The following SLC22A23 variants were observed in gnomAD, a reference collection of about 807,000 sequenced individuals.
SLC22A23 encodes the protein solute carrier family 22 member 23.
SLC22A23 carries 26 observed loss-of-function variants against 61.0 expected under a neutral mutation model. The ratio of observed to expected loss-of-function variants is 0.43; its 90% confidence interval spans 0.31 to 0.59. The LOEUF (loss-of-function observed/expected upper bound fraction) is 0.59, where lower values mean the gene tolerates loss of function less well. Ranked by LOEUF, SLC22A23 falls within the 20% of genes least tolerant of loss-of-function variation. The pLI is 0.11. For missense variants in SLC22A23, 796 were observed against 934.7 expected (o/e 0.85, Z 1.94); for synonymous variants, 430 against 413.9 (o/e 1.04, Z -0.47).
intron 1 of SLC22A23, among the ~76,000 whole-genome samples, chr6:3,455,305 C>T (rs1160878774): frequency 6.6e-6 from 1 of 152,226 alleles, no homozygotes; most frequent in Non-Finnish European, 1.5e-5. Context: ...ATATTCTCCG[C>T]GTCCTTCCTA....
At chr6:3,382,999 C>T (rs2127476573) in intron 3 of SLC22A23, among the ~76,000 whole-genome samples, 1 of 152,228 alleles carries the variant, frequency 6.6e-6, no homozygotes, top group Non-Finnish European at 1.5e-5. Context: ...TAACAACGAG[C>T]AAGATAAACT....
chr6:3,298,890 T>C (rs990230516), intron 4 of SLC22A23, among the ~76,000 whole-genome samples: 2 of 147,030 alleles, frequency 1.4e-5, no homozygotes, highest in African/African-American at 5.2e-5. Flanking sequence ...GAGAATGGTG[T>C]GAACCCGGGA....
rs997186360 is a variant in SLC22A23 at position 3,327,545 on chromosome 6, G to A, written c.914-3543C>T. On this transcript the variant is annotated intron_variant, in intron 3 of 9. Transcript: ENST00000406686. The surrounding 1 kb of genome is among the most constrained non-coding windows in gnomAD (Gnocchi z 4.1). Reference sequence around the variant, plus strand: ...TGCTGTGGTTAAAAGCCTGGACTCCGTAGCTAGAGTGCCCAAGTTCAAATC... The same window carrying A: ...TGCTGTGGTTAAAAGCCTGGACTCCATAGCTAGAGTGCCCAAGTTCAAATC... Among the ~76,000 whole-genome samples, 8 of 152,316 alleles carry A rather than the reference G, an allele frequency of 5.3e-5. No homozygotes were observed. Among genetic ancestry groups the A allele is most frequent in the Middle Eastern group, 3.4e-3 (1 of 294 alleles).
intron 3 of SLC22A23, among the ~76,000 whole-genome samples, chr6:3,335,639 C>A (rs1287571032): frequency 2.0e-5 from 3 of 152,224 alleles, no homozygotes; most frequent in Admixed American, 6.5e-5. Flanking sequence ...ACAGCTTGGA[C>A]TGGCAAATAG....
intron 1 of SLC22A23, among the ~76,000 whole-genome samples, chr6:3,428,829 T>G (rs997084621): frequency 1.3e-5 from 2 of 152,058 alleles, no homozygotes; most frequent in African/African-American, 4.8e-5. Flanking sequence ...ACAATAAGTG[T>G]TCATCTAAAA....
At chr6:3,352,940 G>A (rs1367959183) in intron 3 of SLC22A23, among the ~76,000 whole-genome samples, 1 of 152,156 alleles carries the variant, frequency 6.6e-6, no homozygotes. Flanking sequence ...ACCCCCAGTG[G>A]TCAGCTTGTC....
intron 1 of SLC22A23, among the ~76,000 whole-genome samples, chr6:3,416,872 G>A (rs945608531): frequency 1.5e-4 from 23 of 152,218 alleles, no homozygotes; most frequent in Admixed American, 3.3e-4. Flanking sequence ...ACACCGGAGC[G>A]GGAGGTGTTC....
intron 1 of SLC22A23, among the ~76,000 whole-genome samples, chr6:3,448,645 C>T (rs941448305): frequency 4.6e-5 from 7 of 152,190 alleles, no homozygotes; most frequent in Non-Finnish European, 1.0e-4. Flanking sequence ...AGGCGCCCGC[C>T]ACCACGCCCT....
chr6:3,456,523 C>G lies in SLC22A23; in HGVS notation c.37G>C (p.Gly13Arg). The G allele has an allele frequency of 2.0e-6, 2 of 990,128 alleles. No individual in the cohort carries two copies. Among genetic ancestry groups the G allele is most frequent in the Non-Finnish European group, 2.4e-6 (2 of 835,002 alleles). The allele number at this position is 990,128 out of a possible 1,614,324, so 61.3% of individuals were successfully genotyped here. A position where few individuals can be genotyped will look rare whatever the true frequency, so the allele number is the denominator to read the frequency against. Residue 13 changes from glycine (G) to arginine (R), a missense_variant, in exon 1 of 10, where the codon GGG (glycine) becomes CGG (arginine). Physicochemically the swap from Gly to Arg is moderately radical, Grantham distance 125. Transcript: ENST00000406686. This position sits in a 1 kb window ranked among gnomAD's most constrained non-coding sequence, Gnocchi z 7.1. ...IDRRREAAGG[G>R]PGRQPAPAEE... ...GCCGGGGCCGGCTGCCGCCCAGGCCCGCCGCCCGCCGCCTCGCGCCGCCGG... is the reference window on the plus strand; with the variant it reads ...GCCGGGGCCGGCTGCCGCCCAGGCCGGCCGCCCGCCGCCTCGCGCCGCCGG...
At chr6:3,307,349 G>A (rs1762050955) in intron 4 of SLC22A23, among the ~76,000 whole-genome samples, 1 of 152,104 alleles carries the variant, frequency 6.6e-6, no homozygotes, top group South Asian at 2.1e-4. Flanking sequence ...GTGAATGACA[G>A]ATTGGACTCA....
In SLC22A23 at chr6:3,360,875, A is replaced by C. The variant is rs1765392292; in HGVS notation, c.914-36873T>G. ...GATTGGACGAAGCCTTCCCTCGGGC[A>C]AAGATGCTGGGGTGGGGAACAGGTG... is the stretch of plus-strand genomic sequence containing the variant. On this transcript the variant is annotated intron_variant, in intron 3 of 9. Coordinates refer to ENST00000406686, the MANE Select transcript of SLC22A23 (RefSeq NM_015482.2). This position sits in a 1 kb window ranked among gnomAD's most constrained non-coding sequence, Gnocchi z 4.6. Among the ~76,000 whole-genome samples, 1 of 152,212 alleles carries C rather than the reference A, an allele frequency of 6.6e-6. No individual in the cohort carries two copies. Among genetic ancestry groups the C allele is most frequent in the Non-Finnish European group, 1.5e-5 (1 of 68,040 alleles).
intron 1 of SLC22A23, among the ~76,000 whole-genome samples, chr6:3,452,988 G>T (rs1293989579): frequency 1.3e-5 from 2 of 152,196 alleles, no homozygotes; most frequent in East Asian, 3.8e-4. Flanking sequence ...GGAAGCAGAA[G>T]TATGTCATGT....
chr6:3,412,599 C>G (rs1343669422), intron 2 of SLC22A23, among the ~76,000 whole-genome samples: 2 of 152,180 alleles, frequency 1.3e-5, no homozygotes, highest in African/African-American at 4.8e-5. Flanking sequence ...CACTTAGGAT[C>G]TGTGGTGGGC....
At chr6:3,442,259 G>A (rs1017431750) in intron 1 of SLC22A23, among the ~76,000 whole-genome samples, 1 of 152,158 alleles carries the variant, frequency 6.6e-6, no homozygotes, top group Non-Finnish European at 1.5e-5. Flanking sequence ...GGTTGCCAGA[G>A]GAGGGGAATG....
At position 3,271,350 on chromosome 6, in the gene SLC22A23, C is replaced by T. The variant is rs1758463032; in HGVS notation, c.*1705G>A. ...TGGTCCAGCCACTGGAAACACGTGGCCAAGAGTCTGCTTGCCCCTTGCTGT... is the reference window on the plus strand; with the variant it reads ...TGGTCCAGCCACTGGAAACACGTGGTCAAGAGTCTGCTTGCCCCTTGCTGT... On this transcript the variant is annotated 3_prime_UTR_variant, in exon 10 of 10. Transcript: ENST00000406686. 1 of 152,320 alleles carries T rather than the reference C, an allele frequency of 6.6e-6. No homozygotes were observed. The highest frequency in any genetic ancestry group is 1.5e-5 in the Non-Finnish European group (1 of 68,050). The allele number at this position is 152,320 out of a possible 1,614,324, so 9.4% of individuals were successfully genotyped here.
chr6:3,357,645 G>C (rs1443344435), intron 3 of SLC22A23, among the ~76,000 whole-genome samples: 4 of 152,210 alleles, frequency 2.6e-5, no homozygotes, highest in Admixed American at 1.3e-4. Flanking sequence ...GCCATGCCCA[G>C]CTCCTGGTTC....
rs1016039457 is a variant in SLC22A23, at chr6:3,328,875, C to A, written c.914-4873G>T. 1.3e-5 allele frequency among the ~76,000 whole-genome samples: 2 copies of A among 151,032 alleles called. No homozygotes were observed. The highest frequency in any genetic ancestry group is 2.9e-5 in the Non-Finnish European group (2 of 67,974). ...GGCTCACACGAGGCCTCCCGTGAAG[C>A]CCATCTCCGAAGCTGCACCCCCTCC... On this transcript the variant is annotated intron_variant, in intron 3 of 9. Transcript: ENST00000406686. The surrounding 1 kb of genome is among the most constrained non-coding windows in gnomAD (Gnocchi z 5.0).
chr6:3,297,477 G>A lies in SLC22A23; in HGVS notation c.1210+614C>T, dbSNP rs1054060262. On this transcript the variant is annotated intron_variant, in intron 5 of 9. Coordinates refer to ENST00000406686, the MANE Select transcript of SLC22A23 (RefSeq NM_015482.2). This position sits in a 1 kb window ranked among gnomAD's most constrained non-coding sequence, Gnocchi z 4.3. ...TCAGGGCTTATCCCAAATCTAACAG[G>A]TCAGGATCTCCAGGTGCCAGGGAGA... Among the ~76,000 whole-genome samples the A allele has an allele frequency of 2.0e-5, 3 of 152,124 alleles. No individual in the cohort carries two copies. The highest frequency in any genetic ancestry group is 7.2e-5 in the African/African-American group (3 of 41,416).
intron 1 of SLC22A23, among the ~76,000 whole-genome samples, chr6:3,447,007 C>T (rs941793817): frequency 1.3e-5 from 2 of 151,856 alleles, no homozygotes; most frequent in African/African-American, 2.4e-5. Context: ...CCCCACCACG[C>T]GAGATCTCAC....
Sources: gnomAD v4.1 joint callset for allele counts (sites outside exome capture counted in the v4.1 genomes callset) on GRCh38, gnomAD v4.1.1 for gene constraint, Gnocchi (gnomAD v3.1) non-coding constraint, MANE v1.5 for transcripts, NCBI Gene and HGNC (gene_info 2026-07-23, HGNC 2026-07-21) for gene names.